FZD6: variants seen among roughly 807,000 people sequenced by gnomAD.
FZD6 encodes the protein frizzled class receptor 6, also known as frizzled-6.
Under a neutral mutation model 61.4 loss-of-function variants are expected in FZD6, and 49 were observed. The ratio of observed to expected loss-of-function variants is 0.80; its 90% confidence interval spans 0.63 to 1.01. The LOEUF (loss-of-function observed/expected upper bound fraction) is 1.01, where lower values mean the gene tolerates loss of function less well. Ranked by LOEUF, FZD6 falls within the 50% of genes least tolerant of loss-of-function variation. The probability of loss-of-function intolerance (pLI) is 0.00; values close to 1 mark genes in which losing one functional copy is unlikely to be tolerated. For missense variants in FZD6, 724 were observed against 848.2 expected, an observed-to-expected ratio of 0.85 and a Z score of 1.82; for synonymous variants, 265 against 292.2, an observed-to-expected ratio of 0.91 and a Z score of 0.95.
chr8:103,315,470 C>T (rs1235837455), intron 2 of FZD6, among the ~76,000 whole-genome samples: 1 of 152,166 alleles, frequency 6.6e-6, no homozygotes, highest in African/African-American at 2.4e-5. Flanking sequence ...ATGACTGAAT[C>T]ACAAAACAAT....
intron 4 of FZD6, 71 bp from the exon 5 acceptor site, chr8:103,328,197 T>G: frequency 8.6e-7 from 1 of 1,158,450 alleles, no homozygotes; most frequent in Non-Finnish European, 1.3e-6. Context: ...GTTCGTTTTA[T>G]ATTGACAATA....
chr8:103,299,171 C>G (rs1458520552), intron 1 of FZD6, among the ~76,000 whole-genome samples, 176 bp downstream of exon 1: 1 of 152,168 alleles, frequency 6.6e-6, no homozygotes, highest in Non-Finnish European at 1.5e-5. Flanking sequence ...GGAACCGGCT[C>G]TGAAAGGCGA....
intron 3 of FZD6, among the ~76,000 whole-genome samples, chr8:103,321,845 T>C (rs899909565): frequency 1.3e-5 from 2 of 152,128 alleles, no homozygotes; most frequent in Non-Finnish European, 2.9e-5. Context: ...CTTCTTTTCA[T>C]TTCTCCCTCT....
rs545789139 is a variant in FZD6, at chr8:103,323,752, AC to A, written c.375-727del. On this transcript the variant is annotated intron_variant, in intron 3 of 6. Coordinates refer to ENST00000358755, the MANE Select transcript of FZD6 (RefSeq NM_003506.4). Reference sequence around the variant, plus strand: ...GGCCAAAACCTCCAATACTTTTTAAACCATTATAGATCCCCCAAAATAATAC... The same window carrying A: ...GGCCAAAACCTCCAATACTTTTTAAACATTATAGATCCCCCAAAATAATAC... Among the ~76,000 whole-genome samples the A allele has an allele frequency of 1.8e-3, 278 of 152,208 alleles. 2 individuals are homozygous for A. The highest frequency in any genetic ancestry group is 5.9e-3 in the African/African-American group (245 of 41,542).
intron 2 of FZD6, among the ~76,000 whole-genome samples, chr8:103,302,174 C>T (rs1814191425): frequency 6.6e-6 from 1 of 152,086 alleles, no homozygotes; most frequent in African/African-American, 2.4e-5. Context: ...AAAATAATGT[C>T]ACCCTGGCTC....
At chr8:103,311,566 T>G (rs1293507906) in intron 2 of FZD6, among the ~76,000 whole-genome samples, 1 of 151,050 alleles carries the variant, frequency 6.6e-6, no homozygotes, top group East Asian at 1.9e-4. Context: ...AGACTCTATC[T>G]CTACTTGGGA....
rs116195528 is a variant in FZD6, at chr8:103,329,971, T to A, written c.1858T>A (p.Ser620Thr). The A allele has an allele frequency of 1.3e-3, 2,028 of 1,614,008 alleles. 19 individuals carry two copies. The African/African-American group carries it at 0.023, about 18-fold the overall frequency. ...LREQDCGEPA[S>T]PAASISRLSG... is the part of the protein sequence containing the mutation. ...AGAACAGGACTGTGGTGAACCTGCC[T>A]CGCCAGCAGCATCCATCTCCAGACT... The change falls in exon 6 of 7, where the codon TCG becomes ACG. Residue 620 changes from serine (S) to threonine (T), a missense_variant. Ser to Thr is a moderately conservative substitution (Grantham distance 58). Coordinates refer to ENST00000358755, the MANE Select transcript of FZD6 (RefSeq NM_003506.4).
At chr8:103,307,960 T>C in intron 2 of FZD6, 3 of 456,000 alleles carry the variant, frequency 6.6e-6, no homozygotes, top group South Asian at 4.6e-5. Flanking sequence ...GGATACTTCT[T>C]AACCTGACAC....
intron 2 of FZD6, among the ~76,000 whole-genome samples, chr8:103,316,207 G>GT (rs769547338): frequency 4.6e-5 from 7 of 152,068 alleles, no homozygotes; most frequent in Non-Finnish European, 1.0e-4. Context: ...ATTTTCATTT[G>GT]TTTTTTATGT....
intron 6 of FZD6, among the ~76,000 whole-genome samples, chr8:103,331,014 G>GA (rs1287164476): frequency 1.3e-4 from 20 of 151,998 alleles, no homozygotes; most frequent in Admixed American, 1.2e-3. Context: ...CATCTCTACT[G>GA]AAAATACAAA....
intron 2 of FZD6, among the ~76,000 whole-genome samples, chr8:103,304,918 G>C (rs1296651185): frequency 2.0e-5 from 3 of 152,194 alleles, no homozygotes; most frequent in Non-Finnish European, 2.9e-5. Flanking sequence ...TTTTGTTTCA[G>C]AGATTGCTTA....
rs1331770512 is a variant in FZD6, at chr8:103,311,247, C to A, written c.178-7343C>A. On this transcript the variant is annotated intron_variant, in intron 2 of 6. Transcript: ENST00000358755. ...TCGCATTGCAGCTTCCTCAAATAAT[C>A]TGACTATATCTGTTCTTTTGCATAA... Among the ~76,000 whole-genome samples, 3 of 152,168 alleles carry A rather than the reference C, an allele frequency of 2.0e-5. No homozygotes were observed. The East Asian group carries it at 5.8e-4, about 29-fold the overall frequency.
chr8:103,324,327 TACTCA>T (rs901380951), intron 3 of FZD6, among the ~76,000 whole-genome samples, 149 bp from the exon 4 acceptor site: 5 of 152,234 alleles, frequency 3.3e-5, no homozygotes, highest in Non-Finnish European at 5.9e-5. Context: ...CAAAAATTTC[TACTCA>T]ACTCTTATCT....
At chr8:103,300,872 C>T (rs1814149120) in intron 2 of FZD6, among the ~76,000 whole-genome samples, 1 of 152,142 alleles carries the variant, frequency 6.6e-6, no homozygotes, top group Non-Finnish European at 1.5e-5. Flanking sequence ...AGTACAGTGA[C>T]ACTAAAGATT....
chr8:103,298,773 CCCGCCGCCGCCGCCGCCG>C (rs539743508), upstream of FZD6: 13 of 158,518 alleles, frequency 8.2e-5, no homozygotes, highest in East Asian at 5.5e-4. Flanking sequence ...CAGGGCCAGT[CCCGCCGCCGCCGCCGCCG>C]CCGCCGCCGC....
At chr8:103,323,349 T>TTC (rs1814848525) in intron 3 of FZD6, among the ~76,000 whole-genome samples, 2 of 152,226 alleles carry the variant, frequency 1.3e-5, no homozygotes, top group Admixed American at 6.5e-5. Context: ...TAGTTTTTTT[T>TTC]GTATTTCATT....
chr8:103,316,204 T>C (rs1471117031), intron 2 of FZD6, among the ~76,000 whole-genome samples: 1 of 152,222 alleles, frequency 6.6e-6, no homozygotes, highest in Admixed American at 6.5e-5. Flanking sequence ...TGTATTTTCA[T>C]TTGTTTTTTA....
intron 2 of FZD6, among the ~76,000 whole-genome samples, chr8:103,309,560 G>T (rs528970909): frequency 1.3e-5 from 2 of 152,320 alleles, no homozygotes; most frequent in East Asian, 3.9e-4. Context: ...TTCTTTCATG[G>T]TAGGGAGGGA....
Position 103,325,370 on chromosome 8 carries a change from G to A in FZD6, c.1264G>A (p.Gly422Ser), listed in dbSNP as rs376142293. 3.1e-5 allele frequency: 50 copies of A among 1,613,810 alleles called. No homozygotes were observed. The highest frequency in any genetic ancestry group is 3.7e-5 in the Non-Finnish European group (44 of 1,179,928). ...KFMIRIGVFSGLYLVPLVTLL... is the reference protein window; with the variant it reads ...KFMIRIGVFSSLYLVPLVTLL... Reference sequence around the variant, plus strand: ...TATGATTCGAATTGGAGTCTTCAGCGGCTTGTATCTTGTGCCATTAGTGAC... The same window carrying A: ...TATGATTCGAATTGGAGTCTTCAGCAGCTTGTATCTTGTGCCATTAGTGAC... The change falls in exon 4 of 7, where the codon GGC becomes AGC. Residue 422 changes from glycine (G) to serine (S), a missense_variant. Coordinates refer to ENST00000358755, the MANE Select transcript of FZD6 (RefSeq NM_003506.4).
Sources: gnomAD v4.1 joint callset for allele counts (sites outside exome capture counted in the v4.1 genomes callset) on GRCh38, gnomAD v4.1.1 for gene constraint, MANE v1.5 for transcripts, NCBI Gene and HGNC (gene_info 2026-07-23, HGNC 2026-07-21) for gene names.